The following KCNQ1 variants were observed in gnomAD, a reference collection of about 807,000 sequenced individuals.
The protein encoded by KCNQ1 is potassium voltage-gated channel subfamily Q member 1, also known as potassium voltage-gated channel subfamily KQT member 1.
Under a neutral mutation model 72.4 loss-of-function variants are expected in KCNQ1, and 49 were observed. The observed-to-expected ratio is 0.68, with a 90% CI of 0.54 to 0.86. The LOEUF (loss-of-function observed/expected upper bound fraction) is 0.86, where lower values mean the gene tolerates loss of function less well. Among genes scored for constraint, KCNQ1 ranks in the 40% least tolerant of loss-of-function variants. The pLI is 0.00. For synonymous variants in KCNQ1, 450 were observed against 412.6 expected (o/e 1.09, Z -1.10); for missense variants, 790 against 945.1 (o/e 0.84, Z 2.15).
intron 11 of KCNQ1, among the ~76,000 whole-genome samples, chr11:2,753,690 A>G (rs916367199): frequency 1.3e-5 from 2 of 152,228 alleles, no homozygotes; most frequent in African/African-American, 4.8e-5. Flanking sequence ...TCCCAGGTAC[A>G]AAGCCATACC....
intron 11 of KCNQ1, chr11:2,697,332 T>C (rs1850694486): frequency 7.5e-6 from 3 of 398,598 alleles, no homozygotes; most frequent in Non-Finnish European, 1.3e-5. Context: ...ATCAACCCTA[T>C]GAGCTACACT....
Position 2,715,696 on chromosome 11 carries a change from G to C in KCNQ1, c.1515-53148G>C, listed in dbSNP as rs1158995998. Reference sequence around the variant, plus strand: ...CTTGGGGGAAGGGGAACCAGCAAAGGGGGTATGGGGAGCCCTCTGGGGCAC... The same window carrying C: ...CTTGGGGGAAGGGGAACCAGCAAAGCGGGTATGGGGAGCCCTCTGGGGCAC... On this transcript the variant is annotated intron_variant, in intron 11 of 15. Transcript: ENST00000155840. This position sits in a 1 kb window ranked among gnomAD's most constrained non-coding sequence, Gnocchi z 4.9. Among the ~76,000 whole-genome samples, 1 of 152,220 alleles carries C rather than the reference G, an allele frequency of 6.6e-6. No homozygotes were observed. Among genetic ancestry groups the C allele is most frequent in the Admixed American group, 6.5e-5 (1 of 15,286 alleles).
chr11:2,511,339 C>T (rs1168994354), intron 1 of KCNQ1, among the ~76,000 whole-genome samples: 2 of 152,146 alleles, frequency 1.3e-5, no homozygotes, highest in South Asian at 2.1e-4. Flanking sequence ...CAGCTGGCAC[C>T]GCCTGATTCC....
At chr11:2,639,113 G>T (rs902586970) in intron 10 of KCNQ1, 2 of 152,092 alleles carry the variant, frequency 1.3e-5, no homozygotes, top group African/African-American at 4.8e-5. Flanking sequence ...TTAGCCATTC[G>T]TCTAATCTTT....
chr11:2,755,311 C>T (rs576889856), intron 11 of KCNQ1, among the ~76,000 whole-genome samples: 35 of 152,208 alleles, frequency 2.3e-4, no homozygotes, highest in African/African-American at 6.5e-4. Flanking sequence ...AGTGCACTGG[C>T]GCAATCATAG....
intron 10 of KCNQ1, chr11:2,619,940 G>T (rs562912107): frequency 2.4e-5 from 9 of 374,774 alleles, no homozygotes; most frequent in African/African-American, 1.7e-4. Context: ...TGATGATGAG[G>T]TTTGGAGTGT....
rs150711844 is a variant in KCNQ1, at chr11:2,570,620, C to T, written c.478-8C>T. On this transcript the variant is annotated splice_polypyrimidine_tract_variant and splice_region_variant and intron_variant, in intron 2 of 15. Transcript: ENST00000155840. Reference sequence around the variant, plus strand: ...GCCTGCAGTGAGCGTCCCACTCTGTCCCTGCAGGAGATCGTGCTGGTGGTG... The same window carrying T: ...GCCTGCAGTGAGCGTCCCACTCTGTTCCTGCAGGAGATCGTGCTGGTGGTG... 3.8e-4 allele frequency: 605 copies of T among 1,612,208 alleles called. 3 individuals are homozygous for T. The African/African-American group carries it at 5.9e-3, about 16-fold the overall frequency.
chr11:2,837,464 C>T (rs2134077715), intron 15 of KCNQ1, among the ~76,000 whole-genome samples: 1 of 152,352 alleles, frequency 6.6e-6, no homozygotes, highest in South Asian at 2.1e-4. Context: ...AGAACAGACT[C>T]CCCGGCCCCT....
chr11:2,775,549 G>A (rs925665260), intron 12 of KCNQ1, among the ~76,000 whole-genome samples: 4 of 152,238 alleles, frequency 2.6e-5, no homozygotes, highest in African/African-American at 9.6e-5. Flanking sequence ...GCCCAGGTAG[G>A]TAGTGGGCAT....
intron 11 of KCNQ1, among the ~76,000 whole-genome samples, chr11:2,741,456 C>T (rs569563421): frequency 2.2e-4 from 34 of 152,294 alleles, no homozygotes; most frequent in African/African-American, 4.3e-4. Context: ...TACGCACAAA[C>T]GCATGCCCAG....
chr11:2,730,662 T>C (rs1435858593), intron 11 of KCNQ1, among the ~76,000 whole-genome samples: 1 of 152,196 alleles, frequency 6.6e-6, no homozygotes, highest in Non-Finnish European at 1.5e-5. Context: ...AGGTGAGACC[T>C]GTATGGCCAC....
rs578189998 is a variant in KCNQ1 at position 2,714,175 on chromosome 11, C to T, written c.1514+52094C>T. 3.9e-4 allele frequency among the ~76,000 whole-genome samples: 59 copies of T among 152,322 alleles called. 1 individual carries two copies. The South Asian group carries it at 0.011, about 29-fold the overall frequency. On this transcript the variant is annotated intron_variant, in intron 11 of 15. Transcript: ENST00000155840. ...CAGTGCCCAGGCTGGAGAGGTCCTG[C>T]GTCTCCATCTCATCCACAGGATAAG...
chr11:2,737,772 G>A (rs1353614634), intron 11 of KCNQ1, among the ~76,000 whole-genome samples: 1 of 152,196 alleles, frequency 6.6e-6, no homozygotes, highest in Admixed American at 6.5e-5. Flanking sequence ...CTGCCAGGGA[G>A]AGTGGGGCTG....
chr11:2,797,359 C>A (rs574049831), intron 15 of KCNQ1, among the ~76,000 whole-genome samples: 7 of 152,354 alleles, frequency 4.6e-5, no homozygotes, highest in Admixed American at 6.5e-5. Flanking sequence ...CCCCACTGGG[C>A]AGCCAGAGGT....
In KCNQ1 at chr11:2,447,561, G is replaced by A. The variant is rs1846058710; in HGVS notation, c.386+2077G>A. On this transcript the variant is annotated intron_variant, in intron 1 of 15. Transcript: ENST00000155840. This position sits in a 1 kb window ranked among gnomAD's most constrained non-coding sequence, Gnocchi z 7.6. ...GTGCCCTAGGAGGTTGGCAGGACCAGTCTCTTGAGGGGAGACCTGGTCATA... is the reference window on the plus strand; with the variant it reads ...GTGCCCTAGGAGGTTGGCAGGACCAATCTCTTGAGGGGAGACCTGGTCATA... Among the ~76,000 whole-genome samples, 1 of 152,140 alleles carries A rather than the reference G, an allele frequency of 6.6e-6. No homozygotes were observed. Among genetic ancestry groups the A allele is most frequent in the African/African-American group, 2.4e-5 (1 of 41,434 alleles).
In KCNQ1 at chr11:2,713,061, TC is replaced by T. The variant is rs1034618362; in HGVS notation, c.1514+50984del. Among the ~76,000 whole-genome samples the T allele has an allele frequency of 6.6e-6, 1 of 152,136 alleles. No homozygotes were observed. The highest frequency in any genetic ancestry group is 2.4e-5 in the African/African-American group (1 of 41,432). On this transcript the variant is annotated intron_variant, in intron 11 of 15. Transcript: ENST00000155840. The surrounding 1 kb of genome is among the most constrained non-coding windows in gnomAD (Gnocchi z 5.6). Reference sequence around the variant, plus strand: ...ACCCAGAAGGCAGCAGGCTAACGACTCCCCATGAAATTAACAACTTTGTGAA... The same window carrying T: ...ACCCAGAAGGCAGCAGGCTAACGACTCCCATGAAATTAACAACTTTGTGAA...
chr11:2,500,169 T>C (rs1017228508), intron 1 of KCNQ1, among the ~76,000 whole-genome samples: 3 of 152,224 alleles, frequency 2.0e-5, no homozygotes, highest in African/African-American at 7.2e-5. Context: ...GATTTGTTTG[T>C]GTCTTTTTTA....
chr11:2,540,825 C>T (rs1847811299), intron 2 of KCNQ1, among the ~76,000 whole-genome samples: 1 of 152,204 alleles, frequency 6.6e-6, no homozygotes, highest in Non-Finnish European at 1.5e-5. Context: ...TTAGGTGAAG[C>T]CAATCCCTGT....
chr11:2,458,281 G>A lies in KCNQ1; in HGVS notation c.386+12797G>A, dbSNP rs1846224507. Among the ~76,000 whole-genome samples the A allele has an allele frequency of 6.6e-6, 1 of 152,194 alleles. No individual in the cohort carries two copies. ...CCCAAGTTCATCCTGATACTGAGGG[G>A]CAAAACCAGTGGACTTTGATTTGCA... On this transcript the variant is annotated intron_variant, in intron 1 of 15. Coordinates refer to ENST00000155840, the MANE Select transcript of KCNQ1 (RefSeq NM_000218.3). This position sits in a 1 kb window ranked among gnomAD's most constrained non-coding sequence, Gnocchi z 4.6.
Sources: allele counts gnomAD v4.1 joint callset (sites outside exome capture counted in the v4.1 genomes callset), GRCh38; gene constraint gnomAD v4.1.1; non-coding constraint Gnocchi (gnomAD v3.1); transcripts MANE v1.5; gene names NCBI Gene and HGNC (gene_info 2026-07-23, HGNC 2026-07-21).